FCHSD2: variants seen among roughly 807,000 people sequenced by gnomAD.
FCHSD2 encodes the protein F-BAR and double SH3 domains protein 2.
In FCHSD2, 38 loss-of-function variants were observed where a neutral mutation model predicts 108.1. The ratio of observed to expected loss-of-function variants is 0.35; its 90% CI spans 0.27 to 0.46. The LOEUF (loss-of-function observed/expected upper bound fraction) is 0.46, where lower values mean the gene tolerates loss of function less well. Among genes scored for constraint, FCHSD2 ranks in the 20% least tolerant of loss-of-function variants. The pLI, the probability that FCHSD2 is intolerant of heterozygous loss-of-function variation, is 1.00. For synonymous variants in FCHSD2, 279 were observed against 314.7 expected, an observed-to-expected ratio of 0.89 and a Z score of 1.20; for missense variants, 751 against 897.8, an observed-to-expected ratio of 0.84 and a Z score of 2.09.
At chr11:72,977,898 G>A (rs1242057940) in intron 8 of FCHSD2, among the ~76,000 whole-genome samples, 1 of 152,190 alleles carries the variant, frequency 6.6e-6, no homozygotes, top group African/African-American at 2.4e-5. Context: ...AAATAGCAAA[G>A]ACTTGGAACC....
intron 2 of FCHSD2, among the ~76,000 whole-genome samples, chr11:73,109,335 T>C (rs1483381158): frequency 6.6e-6 from 1 of 152,256 alleles, no homozygotes; most frequent in Non-Finnish European, 1.5e-5. Context: ...TTTAACAATA[T>C]TGATTCTCCC....
At chr11:73,043,305 G>T (rs532255997) in intron 3 of FCHSD2, among the ~76,000 whole-genome samples, 10 of 152,242 alleles carry the variant, frequency 6.6e-5, no homozygotes, top group South Asian at 2.1e-4. Flanking sequence ...TCACTAAAAG[G>T]CTCGGTCAAG....
intron 2 of FCHSD2, among the ~76,000 whole-genome samples, chr11:73,111,326 A>G (rs569627918): frequency 6.6e-6 from 1 of 152,290 alleles, no homozygotes; most frequent in East Asian, 1.9e-4. Flanking sequence ...TACAACTGTT[A>G]TATCTTCTTG....
Position 73,025,666 on chromosome 11 carries a change from T to C in FCHSD2, c.166-9781A>G, listed in dbSNP as rs570900072. 3.3e-5 allele frequency among the ~76,000 whole-genome samples: 5 copies of C among 152,268 alleles called. 1 individual carries two copies. The highest frequency in any genetic ancestry group is 9.6e-5 in the African/African-American group (4 of 41,556). ...AATAAAAGTTTAAAAATTAAATAAA[T>C]AGAATTTTAAAAATTTTTTAAATCT... On this transcript the variant is annotated intron_variant, in intron 3 of 19. Transcript: ENST00000409418.
chr11:73,073,597 C>G (rs1311526346), intron 3 of FCHSD2, among the ~76,000 whole-genome samples: 1 of 152,298 alleles, frequency 6.6e-6, no homozygotes, highest in East Asian at 1.9e-4. Context: ...GATGGCTCAC[C>G]TGTATGCTCT....
intron 3 of FCHSD2, among the ~76,000 whole-genome samples, chr11:73,045,691 T>A (rs1275453143): frequency 6.6e-6 from 1 of 150,814 alleles, no homozygotes; most frequent in Non-Finnish European, 1.5e-5. Context: ...CACCGCATAT[T>A]CTCACTCATA....
chr11:73,071,456 T>C lies in FCHSD2; in HGVS notation c.165+12239A>G, dbSNP rs376431604. Among the ~76,000 whole-genome samples the C allele has an allele frequency of 2.8e-3, 422 of 150,606 alleles. 1 individual carries two copies. The highest frequency in any genetic ancestry group is 9.8e-3 in the African/African-American group (401 of 41,004). On this transcript the variant is annotated intron_variant, in intron 3 of 19. Coordinates refer to ENST00000409418, the MANE Select transcript of FCHSD2 (RefSeq NM_014824.3). ...CCTGTAATCCCAGCACCTTGAGAGG[T>C]CGAGGCGGGCAGATCACGAGGTCAG...
chr11:72,978,847 GCTCT>G (rs1857158229), intron 8 of FCHSD2, among the ~76,000 whole-genome samples: 2 of 140,976 alleles, frequency 1.4e-5, no homozygotes, highest in African/African-American at 2.6e-5. Context: ...GTCTCAGGTA[GCTCT>G]TTCTTTTTTT....
chr11:73,027,941 A>G (rs2135447518), intron 3 of FCHSD2, among the ~76,000 whole-genome samples: 1 of 152,364 alleles, frequency 6.6e-6, no homozygotes, highest in South Asian at 2.1e-4. Flanking sequence ...AGAAGATAAG[A>G]ACTGATGTTT....
At chr11:72,973,934 C>T (rs1857056819) in intron 8 of FCHSD2, among the ~76,000 whole-genome samples, 1 of 151,962 alleles carries the variant, frequency 6.6e-6, no homozygotes, top group South Asian at 2.1e-4. Context: ...AAATGTTTGC[C>T]AACCTCTGTT....
At chr11:73,139,710 G>A (rs1001041266) in intron 2 of FCHSD2, among the ~76,000 whole-genome samples, 5 of 152,134 alleles carry the variant, frequency 3.3e-5, no homozygotes, top group Admixed American at 3.3e-4. Flanking sequence ...GTGTAAAACC[G>A]TTAAGGTCAA....
chr11:73,062,072 T>A (rs1326610686), intron 3 of FCHSD2, among the ~76,000 whole-genome samples: 1 of 152,170 alleles, frequency 6.6e-6, no homozygotes, highest in East Asian at 1.9e-4. Flanking sequence ...CTGACTGGCA[T>A]CTGGCAGGTG....
intron 2 of FCHSD2, among the ~76,000 whole-genome samples, chr11:73,126,994 C>T (rs1259785369): frequency 1.3e-5 from 2 of 152,220 alleles, no homozygotes; most frequent in African/African-American, 4.8e-5. Context: ...GCCGAGATTG[C>T]ACCACTGTGC....
At chr11:72,962,248 G>A (rs1408922861) in intron 8 of FCHSD2, among the ~76,000 whole-genome samples, 3 of 152,298 alleles carry the variant, frequency 2.0e-5, no homozygotes, top group South Asian at 4.1e-4. Flanking sequence ...TCTTTCACAA[G>A]TATGTGGTAT....
At chr11:73,011,199 A>C (rs1857856414) in intron 4 of FCHSD2, among the ~76,000 whole-genome samples, 1 of 152,100 alleles carries the variant, frequency 6.6e-6, no homozygotes, top group African/African-American at 2.4e-5. Context: ...GCTTGCCCTC[A>C]GGCTCTCAAC....
At chr11:72,887,302 C>T (rs1345708060) in intron 12 of FCHSD2, among the ~76,000 whole-genome samples, 168 bp downstream of exon 12, 1 of 152,026 alleles carries the variant, frequency 6.6e-6, no homozygotes, top group Non-Finnish European at 1.5e-5. Flanking sequence ...GTTATATGTA[C>T]TGCCTTCCAC....
intron 2 of FCHSD2, among the ~76,000 whole-genome samples, chr11:73,131,953 A>AT (rs1029720071): frequency 8.5e-5 from 13 of 152,268 alleles, no homozygotes; most frequent in African/African-American, 3.1e-4. Flanking sequence ...AACTCTTCTC[A>AT]TTTTTTTGAA....
intron 3 of FCHSD2, among the ~76,000 whole-genome samples, chr11:73,083,280 G>A (rs1388092492): frequency 6.6e-6 from 1 of 152,230 alleles, no homozygotes; most frequent in East Asian, 1.9e-4. Context: ...GCTGGGCACA[G>A]TGGCTCATGC....
chr11:72,944,113 A>C (rs1003097686), intron 8 of FCHSD2, among the ~76,000 whole-genome samples: 1 of 152,080 alleles, frequency 6.6e-6, no homozygotes. Context: ...GAATTTTAAA[A>C]CAATATCCCT....
Sources: gnomAD v4.1 joint callset for allele counts (sites outside exome capture counted in the v4.1 genomes callset) on GRCh38, gnomAD v4.1.1 for gene constraint, MANE v1.5 for transcripts, NCBI Gene and HGNC (gene_info 2026-07-23, HGNC 2026-07-21) for gene names.